Variants in RPTN observed in about 807,000 individuals in gnomAD.
The protein encoded by RPTN is repetin.
RPTN carries 4 observed loss-of-function variants against 3.6 expected under a neutral mutation model. The observed-to-expected ratio is 1.12, with a 90% CI of 0.55 to 2.55. The LOEUF is 2.55. RPTN is among the 30% of genes most tolerant of loss of function. RPTN has a pLI of 0.02. For missense variants in RPTN, 860 were observed against 916.7 expected, an observed-to-expected ratio of 0.94 and a Z score of 0.80; for synonymous variants, 293 against 319.3, an observed-to-expected ratio of 0.92 and a Z score of 0.88.
At chr1:152,158,274 C>T (rs1206639083) in intron 1 of RPTN, among the ~76,000 whole-genome samples, 3 of 152,120 alleles carry the variant, frequency 2.0e-5, no homozygotes, top group African/African-American at 7.2e-5. Flanking sequence ...GAATAGAAGC[C>T]AGCATAGTAG....
Position 152,156,636 on chromosome 1 carries a change from C to T in RPTN, c.463G>A (p.Asp155Asn). ...TTCTCAGACTGACCATGGTGGGAAT[C>T]TCTGTCTTGTCTCTCAGGCTGACCA... ...HHGQPERQDR[D>N]SHHGQSEKQD... is the part of the protein sequence containing the mutation. Residue 155 changes from aspartate (D) to asparagine (N), a missense_variant, in exon 3 of 3, where the codon GAT becomes AAT. Transcript: ENST00000316073. 6.3e-7 allele frequency: 1 copy of T among 1,588,964 alleles called. No individual in the cohort carries two copies. Among genetic ancestry groups the T allele is most frequent in the Non-Finnish European group, 8.6e-7 (1 of 1,167,466 alleles).
Position 152,154,523 on chromosome 1 carries a change from C to T in RPTN, c.*221G>A. ...ACGCTGTTCTCTGGTTTGGGGCCTCCCACTGCTCTGGGTTGGATAGAAGGA... is the reference window on the plus strand; with the variant it reads ...ACGCTGTTCTCTGGTTTGGGGCCTCTCACTGCTCTGGGTTGGATAGAAGGA... On this transcript the variant is annotated 3_prime_UTR_variant, in exon 3 of 3. Coordinates refer to ENST00000316073, the MANE Select transcript of RPTN (RefSeq NM_001122965.1). 1 of 673,200 alleles carries T rather than the reference C, an allele frequency of 1.5e-6. No homozygotes were observed. Among genetic ancestry groups the T allele is most frequent in the South Asian group, 2.0e-5 (1 of 50,172 alleles). 41.7% of individuals were successfully genotyped at this position (673,200 alleles called of 1,614,324 possible).
chr1:152,157,007 A>G (rs1343876152), intron 2 of RPTN, 47 bp from the exon 3 acceptor site: 3 of 1,508,444 alleles, frequency 2.0e-6, no homozygotes, highest in African/African-American at 2.7e-5. Context: ...TGTCTTGTGC[A>G]TACTAAGATG....
At position 152,157,905 on chromosome 1, in the gene RPTN, T is replaced by C. The variant is rs749851561; in HGVS notation, c.-16A>G. ...GTTGAGCCATTTTGACAAGTACGGG[T>C]GAACCTAAAAGAAGAAACAAGATTT... On this transcript the variant is annotated 5_prime_UTR_variant, in exon 2 of 3. Transcript: ENST00000316073. 1.2e-6 allele frequency: 2 copies of C among 1,613,228 alleles called. No homozygotes were observed. Among genetic ancestry groups the C allele is most frequent in the Admixed American group, 1.7e-5 (1 of 59,974 alleles).
Position 152,156,383 on chromosome 1 carries a change from T to C in RPTN, c.716A>G (p.His239Arg), listed in dbSNP as rs373015834. 2 of 1,614,282 alleles carry C rather than the reference T, an allele frequency of 1.2e-6. No homozygotes were observed. Among genetic ancestry groups the C allele is most frequent in the Non-Finnish European group, 1.7e-6 (2 of 1,180,054 alleles). The change falls in exon 3 of 3, where the codon CAT becomes CGT. Residue 239 changes from histidine to arginine, a missense_variant. His to Arg is a conservative substitution (Grantham distance 29, BLOSUM62 0). Transcript: ENST00000316073. ...TGTATGTCTTTCAGACTGACCATAATGAGAATCCTGAATTGGTTTTTCACA... is the reference window on the plus strand; with the variant it reads ...TGTATGTCTTTCAGACTGACCATAACGAGAATCCTGAATTGGTTTTTCACA... ...NRCEKPIQDSHYGQSERHTQQ... is the reference protein window; with the variant it reads ...NRCEKPIQDSRYGQSERHTQQ...
intron 1 of RPTN, among the ~76,000 whole-genome samples, chr1:152,158,595 G>A (rs537003403): frequency 7.2e-5 from 11 of 152,256 alleles, no homozygotes; most frequent in African/African-American, 2.6e-4. Context: ...GGTCCACATT[G>A]GCCATGCTGG....
At chr1:152,157,376 T>C (rs1230055359) in intron 2 of RPTN, among the ~76,000 whole-genome samples, 1 of 152,160 alleles carries the variant, frequency 6.6e-6, no homozygotes, top group Non-Finnish European at 1.5e-5. Flanking sequence ...CAGTGACTCT[T>C]TATTGGTTGA....
Position 152,156,617 on chromosome 1 carries a change from G to C in RPTN, c.482C>G (p.Ser161Cys). Residue 161 changes from serine (S) to cysteine (C), a missense_variant, in exon 3 of 3, where the codon TCT (serine) becomes TGT (cysteine). Physicochemically the swap from Ser to Cys is moderately radical, Grantham distance 112 (BLOSUM62 -1). Transcript: ENST00000316073. The part of the protein sequence containing the change: ...RQDRDSHHGQ[S>C]EKQDRDSHHS... ...GTGGGAATCTCTGTCTTGTTTCTCA[G>C]ACTGACCATGGTGGGAATCTCTGTC... 3 of 1,040,796 alleles carry C rather than the reference G, an allele frequency of 2.9e-6. No individual in the cohort carries two copies. Among genetic ancestry groups the C allele is most frequent in the Non-Finnish European group, 3.7e-6 (3 of 810,232 alleles). 64.5% of individuals were successfully genotyped at this position (1,040,796 alleles called of 1,614,324 possible).
intron 1 of RPTN, 118 bp from the exon 2 acceptor site, chr1:152,158,027 T>C (rs1320897525): frequency 2.9e-5 from 22 of 767,832 alleles, no homozygotes; most frequent in Non-Finnish European, 4.5e-5. Context: ...GAGAGCCCCT[T>C]CTTAGCTGTA....
chr1:152,157,682 T>TCCAA, intron 2 of RPTN, 70 bp downstream of exon 2: 1 of 1,518,502 alleles, frequency 6.6e-7, no homozygotes, highest in South Asian at 1.1e-5. Context: ...AAACAAAGCA[T>TCCAA]CCAACCCTGG....
chr1:152,158,808 T>C (rs1288288282), intron 1 of RPTN, among the ~76,000 whole-genome samples: 1 of 152,202 alleles, frequency 6.6e-6, no homozygotes, highest in Non-Finnish European at 1.5e-5. Context: ...AGTCCCTTGT[T>C]GTAATTCAAT....
rs1473383916 is a variant in RPTN, at chr1:152,156,120, G to C, written c.979C>G (p.Gln327Glu). 6.2e-7 allele frequency: 1 copy of C among 1,613,414 alleles called. No homozygotes were observed. Among genetic ancestry groups the C allele is most frequent in the African/African-American group, 1.3e-5 (1 of 74,756 alleles). The change falls in exon 3 of 3, where the codon CAG becomes GAG. Residue 327 changes from glutamine to glutamate, a missense_variant. Physicochemically the swap from Gln to Glu is conservative, Grantham distance 29. Transcript: ENST00000316073. ...SHYSQTDRQG[Q>E]SSHYSQPDRQ... ...TCTGGCTGACTGTAGTGGGAACTCT[G>C]GCCTTGTCTGTCCGTCTGACTGTAG...
Sources: allele counts gnomAD v4.1 joint callset (sites outside exome capture counted in the v4.1 genomes callset), GRCh38; gene constraint gnomAD v4.1.1; transcripts MANE v1.5; gene names NCBI Gene and HGNC (gene_info 2026-07-23, HGNC 2026-07-21).